SIN3A: variants seen among roughly 807,000 people sequenced by gnomAD.
SIN3A encodes paired amphipathic helix protein Sin3a.
In SIN3A, 14 loss-of-function variants were observed where a neutral mutation model predicts 146.1. The observed-to-expected ratio is 0.10, with a 90% confidence interval of 0.06 to 0.15. The LOEUF (loss-of-function observed/expected upper bound fraction) is 0.15, where lower values mean the gene tolerates loss of function less well. SIN3A is among the 10% of genes least tolerant of loss of function. SIN3A has a pLI of 1.00. For synonymous variants in SIN3A, 572 were observed against 572.0 expected (o/e 1.00, Z 0.00); for missense variants, 1,028 against 1,576.0 (o/e 0.65, Z 5.89).
intron 1 of SIN3A, among the ~76,000 whole-genome samples, chr15:75,442,974 A>C (rs1038083541): frequency 1.3e-5 from 2 of 150,462 alleles, no homozygotes; most frequent in Non-Finnish European, 3.0e-5. Flanking sequence ...AAACTCATCT[A>C]GGGTACAGTC....
At chr15:75,398,797 C>T (rs2073351555) in intron 12 of SIN3A, among the ~76,000 whole-genome samples, 1 of 151,714 alleles carries the variant, frequency 6.6e-6, no homozygotes, top group Non-Finnish European at 1.5e-5. Context: ...ATCGCTTGGA[C>T]CCAAGAGTTT....
chr15:75,403,930 G>T (rs552047764), intron 9 of SIN3A, among the ~76,000 whole-genome samples: 1 of 152,206 alleles, frequency 6.6e-6, no homozygotes, highest in African/African-American at 2.4e-5. Flanking sequence ...GCTCTCTTAA[G>T]ATAGTTCTGT....
intron 12 of SIN3A, among the ~76,000 whole-genome samples, chr15:75,399,397 G>A (rs1023156920): frequency 2.0e-5 from 3 of 151,856 alleles, no homozygotes; most frequent in Non-Finnish European, 2.9e-5. Context: ...ACGTGTTGGC[G>A]GGCGCCTGTA....
Position 75,371,750 on chromosome 15 carries a change from A to C in SIN3A, c.*229T>G. 1.8e-6 allele frequency: 1 copy of C among 546,556 alleles called. No individual in the cohort carries two copies. Among genetic ancestry groups the C allele is most frequent in the Non-Finnish European group, 3.2e-6 (1 of 307,792 alleles). The allele number at this position is 546,556 out of a possible 1,614,324, so 33.9% of individuals were successfully genotyped here. A position where few individuals can be genotyped will look rare whatever the true frequency, so the allele number is the denominator to read the frequency against. Reference sequence around the variant, plus strand: ...TTCCCCTCCAGGGCAGGCTATACCCAAAACCCTTTGGGAAAAGTTCCAGCT... The same window carrying C: ...TTCCCCTCCAGGGCAGGCTATACCCCAAACCCTTTGGGAAAAGTTCCAGCT... On this transcript the variant is annotated 3_prime_UTR_variant, in exon 21 of 21. Transcript: ENST00000394947.
chr15:75,435,136 G>GT (rs2074084572), intron 1 of SIN3A, among the ~76,000 whole-genome samples: 2 of 151,920 alleles, frequency 1.3e-5, no homozygotes, highest in African/African-American at 2.4e-5. Context: ...GGAAAACTAT[G>GT]TAAGAATCAG....
At chr15:75,448,909 A>G (rs2074354068) in intron 1 of SIN3A, among the ~76,000 whole-genome samples, 1 of 152,242 alleles carries the variant, frequency 6.6e-6, no homozygotes, top group African/African-American at 2.4e-5. Context: ...TATGTAAATT[A>G]TTAAAACCCT....
At chr15:75,377,496 G>C (rs549908899) in intron 19 of SIN3A, among the ~76,000 whole-genome samples, 1 of 151,778 alleles carries the variant, frequency 6.6e-6, no homozygotes, top group Non-Finnish European at 1.5e-5. Context: ...GTGGTGGCGC[G>C]CACCTGTAAT....
At chr15:75,436,514 G>C (rs1243675856) in intron 1 of SIN3A, 1 of 152,144 alleles carries the variant, frequency 6.6e-6, no homozygotes, top group Non-Finnish European at 1.5e-5. Context: ...CAAGTGCTTA[G>C]ATGAAGTATA....
chr15:75,422,842 A>G lies in SIN3A; in HGVS notation c.190-19T>C. On this transcript the variant is annotated intron_variant, in intron 2 of 20. Transcript: ENST00000394947. ...CTGAAACCTGGGGTGAACAAAATAC[A>G]GACAGGAAACTTCAAGGCTTGTACA... 1 of 1,602,348 alleles carries G rather than the reference A, an allele frequency of 6.2e-7. No individual in the cohort carries two copies. Among genetic ancestry groups the G allele is most frequent in the East Asian group, 2.2e-5 (1 of 44,558 alleles).
intron 2 of SIN3A, among the ~76,000 whole-genome samples, chr15:75,425,787 T>C (rs1458710002): frequency 6.6e-6 from 1 of 152,168 alleles, no homozygotes; most frequent in East Asian, 1.9e-4. Context: ...CTAAATAACA[T>C]GAAACTTTCT....
At chr15:75,423,374 T>G (rs1284302742) in intron 2 of SIN3A, among the ~76,000 whole-genome samples, 2 of 152,224 alleles carry the variant, frequency 1.3e-5, no homozygotes, top group African/African-American at 4.8e-5. Flanking sequence ...AACAAAATTA[T>G]TTGTAGCTAT....
At chr15:75,447,386 T>C (rs1409313016) in intron 1 of SIN3A, among the ~76,000 whole-genome samples, 2 of 152,230 alleles carry the variant, frequency 1.3e-5, no homozygotes, top group Non-Finnish European at 2.9e-5. Context: ...GAGTCAACAA[T>C]GTCTCTTAGT....
chr15:75,422,954 C>T, intron 2 of SIN3A, 131 bp from the exon 3 acceptor site: 1 of 847,196 alleles, frequency 1.2e-6, no homozygotes, highest in South Asian at 1.7e-5. Context: ...CGTGATGGCT[C>T]ACACCTATCT....
At position 75,409,703 on chromosome 15, in the gene SIN3A, G is replaced by A; in HGVS notation, c.1317+133C>T. 4 of 950,448 alleles carry A rather than the reference G, an allele frequency of 4.2e-6. No individual in the cohort carries two copies. The African/African-American group carries it at 6.6e-5, about 16-fold the overall frequency. The allele number at this position is 950,448 out of a possible 1,614,324, so 58.9% of individuals were successfully genotyped here. ...GATCGTGCCACTGCACTCCAGCTTG[G>A]GCGACAGAGCGAGACTCGGTCTCAA... On this transcript the variant is annotated intron_variant, in intron 8 of 20. Transcript: ENST00000394947.
chr15:75,427,895 C>T (rs564200672), intron 2 of SIN3A, among the ~76,000 whole-genome samples: 3 of 151,178 alleles, frequency 2.0e-5, no homozygotes, highest in Admixed American at 1.3e-4. Context: ...CACTTGAGCC[C>T]GGGAGGCAGA....
intron 19 of SIN3A, among the ~76,000 whole-genome samples, chr15:75,376,740 G>A (rs2072864545): frequency 6.6e-6 from 1 of 151,500 alleles, no homozygotes; most frequent in Non-Finnish European, 1.5e-5. Context: ...TGTGCCTAGA[G>A]TCTCAGCTAC....
chr15:75,413,706 G>A (rs1271106499), intron 4 of SIN3A, among the ~76,000 whole-genome samples: 4 of 152,070 alleles, frequency 2.6e-5, no homozygotes, highest in African/African-American at 7.2e-5. Context: ...ACCATGCCCG[G>A]CTAATTTTTG....
intron 19 of SIN3A, among the ~76,000 whole-genome samples, chr15:75,378,897 TA>T (rs2072913995): frequency 6.7e-6 from 1 of 149,470 alleles, no homozygotes. Context: ...GATATATATA[TA>T]TATATATATA....
At chr15:75,413,341 G>A (rs532955235) in intron 4 of SIN3A, among the ~76,000 whole-genome samples, 53 of 151,796 alleles carry the variant, frequency 3.5e-4, no homozygotes, top group African/African-American at 1.2e-3. Flanking sequence ...GGCTGGTCTC[G>A]AACTCCTGAC....
Sources: allele counts gnomAD v4.1 joint callset (sites outside exome capture counted in the v4.1 genomes callset), GRCh38; gene constraint gnomAD v4.1.1; transcripts MANE v1.5; gene names NCBI Gene and HGNC (gene_info 2026-07-23, HGNC 2026-07-21).